Variants in WDSUB1 observed in about 807,000 individuals in gnomAD.
The protein encoded by WDSUB1 is WD repeat, SAM and U-box domain-containing protein 1.
In WDSUB1, 49 loss-of-function variants were observed where a neutral mutation model predicts 53.9. The ratio of observed to expected loss-of-function variants is 0.91; its 90% CI spans 0.72 to 1.15. The LOEUF is 1.15. WDSUB1 is among the 50% of genes most tolerant of loss of function. The pLI is 0.00. For missense variants in WDSUB1, 514 were observed against 562.0 expected (o/e 0.91, Z 0.86); for synonymous variants, 194 against 200.6 (o/e 0.97, Z 0.28).
intron 2 of WDSUB1, among the ~76,000 whole-genome samples, chr2:159,280,570 A>G (rs1053054863): frequency 6.7e-6 from 1 of 148,720 alleles, no homozygotes; most frequent in Non-Finnish European, 1.5e-5. Context: ...GGGCGCCTGT[A>G]GTCCCAGCTA....
Position 159,236,079 on chromosome 2 carries a change from G to GTCCT in WDSUB1, c.1381_1384dup (p.Thr462LysfsTer9). The GTCCT allele has an allele frequency of 1.2e-6, 2 of 1,612,686 alleles. No homozygotes were observed. Among genetic ancestry groups the GTCCT allele is most frequent in the Non-Finnish European group, 1.7e-6 (2 of 1,179,618 alleles). On this transcript the variant is annotated frameshift_variant, in exon 11 of 11. Transcript: ENST00000359774. LOFTEE classifies it high-confidence loss of function. ...CCATCTATTGATGGCCATTTTCAGAGTCCTATTTGGTGTAAGTACCGCTGA... is the reference window on the plus strand; with the variant it reads ...CCATCTATTGATGGCCATTTTCAGAGTCCTTCCTATTTGGTGTAAGTACCGCTGA...
At chr2:159,268,700 A>G (rs7590507) in intron 5 of WDSUB1, among the ~76,000 whole-genome samples, 4,337 of 152,304 alleles carry the variant, frequency 0.028, 193 homozygotes, top group African/African-American at 0.094. Flanking sequence ...AAAATATACA[A>G]AAGTATTCAA....
intron 4 of WDSUB1, among the ~76,000 whole-genome samples, chr2:159,274,538 A>C (rs1320541261): frequency 6.6e-6 from 1 of 152,142 alleles, no homozygotes; most frequent in Non-Finnish European, 1.5e-5. Flanking sequence ...TCTCTCCCCA[A>C]CTTCACCCTT....
intron 10 of WDSUB1, among the ~76,000 whole-genome samples, chr2:159,236,760 G>C (rs1448300092): frequency 6.6e-6 from 1 of 152,014 alleles, no homozygotes; most frequent in Non-Finnish European, 1.5e-5. Flanking sequence ...CAAGTAGCTG[G>C]GATCACAGGC....
intron 10 of WDSUB1, among the ~76,000 whole-genome samples, chr2:159,238,387 G>T (rs2060545655): frequency 6.6e-6 from 1 of 152,150 alleles, no homozygotes; most frequent in African/African-American, 2.4e-5. Flanking sequence ...GGGCTCAAGT[G>T]ACCCTCCTTA....
At chr2:159,280,414 G>A (rs992111879) in intron 2 of WDSUB1, among the ~76,000 whole-genome samples, 2 of 152,106 alleles carry the variant, frequency 1.3e-5, no homozygotes, top group African/African-American at 2.4e-5. Context: ...AGAAGTGGCC[G>A]GGCGCGGTGG....
At chr2:159,273,030 G>A (rs2061473409) in intron 4 of WDSUB1, among the ~76,000 whole-genome samples, 1 of 152,122 alleles carries the variant, frequency 6.6e-6, no homozygotes, top group East Asian at 1.9e-4. Flanking sequence ...TTTTTGAAGT[G>A]TTAAATGTCT....
rs776851863 is a variant in WDSUB1 at position 159,246,362 on chromosome 2, G to A, written c.1273+2010C>T. On this transcript the variant is annotated intron_variant, in intron 10 of 10. Transcript: ENST00000359774. ...CAGGAGAACGGTGTGAACCCGAGAG[G>A]CGGAGCTTGCAGTGAGCAGAGATCA... Among the ~76,000 whole-genome samples the A allele has an allele frequency of 7.3e-5, 11 of 151,424 alleles. No individual in the cohort carries two copies. The Middle Eastern group carries it at 0.01, about 141-fold the overall frequency.
At chr2:159,278,330 T>G (rs2061585330) in intron 3 of WDSUB1, among the ~76,000 whole-genome samples, 1 of 152,192 alleles carries the variant, frequency 6.6e-6, no homozygotes, top group South Asian at 2.1e-4. Context: ...AATCTATTAT[T>G]TCAGCAAATC....
chr2:159,270,022 T>C (rs772382470), intron 5 of WDSUB1, among the ~76,000 whole-genome samples: 2 of 152,176 alleles, frequency 1.3e-5, no homozygotes, highest in Non-Finnish European at 1.5e-5. Context: ...ACCAAAGATA[T>C]AAGGATTAGA....
intron 3 of WDSUB1, among the ~76,000 whole-genome samples, chr2:159,278,767 CAT>C (rs1280008800): frequency 6.6e-6 from 1 of 152,122 alleles, no homozygotes; most frequent in Non-Finnish European, 1.5e-5. Flanking sequence ...GGAAGCAGAA[CAT>C]GTTTTGCTTT....
chr2:159,242,570 G>A lies in WDSUB1; in HGVS notation c.1273+5802C>T, dbSNP rs1394732244. Among the ~76,000 whole-genome samples the A allele has an allele frequency of 6.1e-5, 9 of 147,602 alleles. 1 individual carries two copies. The highest frequency in any genetic ancestry group is 4.3e-4 in the East Asian group (2 of 4,672). On this transcript the variant is annotated intron_variant, in intron 10 of 10. Transcript: ENST00000359774. ...CCAGCTACTCTGAGGCAGGAGAATC[G>A]CTTGAACTGAGGAGGCAGAGGTTGC...
chr2:159,247,888 T>TAA (rs1553626803), intron 10 of WDSUB1, among the ~76,000 whole-genome samples: 18 of 39,056 alleles, frequency 4.6e-4, no homozygotes, highest in South Asian at 1.8e-3. Flanking sequence ...ATTAAATAAA[T>TAA]ATATATATAT....
intron 9 of WDSUB1, among the ~76,000 whole-genome samples, chr2:159,253,899 G>A (rs1487816963): frequency 6.6e-6 from 1 of 152,170 alleles, no homozygotes; most frequent in Non-Finnish European, 1.5e-5. Context: ...CCTTTATAAT[G>A]AAGGTTGCAA....
chr2:159,247,908 T>TATATATATATATATATAA (rs1306532213), intron 10 of WDSUB1, among the ~76,000 whole-genome samples: 1 of 48,102 alleles, frequency 2.1e-5, no homozygotes, highest in African/African-American at 3.8e-5. Flanking sequence ...TATATATATA[T>TATATATATATATATATAA]AAATATATAT....
intron 5 of WDSUB1, among the ~76,000 whole-genome samples, chr2:159,265,920 G>A (rs1302787670): frequency 2.6e-5 from 4 of 152,190 alleles, no homozygotes; most frequent in Non-Finnish European, 4.4e-5. Context: ...AGCTCTGAGG[G>A]CTGGTGGAAT....
rs1434273222 is a variant in WDSUB1, at chr2:159,253,701, A to T, written c.1132+2495T>A. Among the ~76,000 whole-genome samples the T allele has an allele frequency of 2.0e-5, 3 of 152,352 alleles. No homozygotes were observed. In the East Asian group the frequency reaches 5.8e-4, roughly 29 times the overall value. On this transcript the variant is annotated intron_variant, in intron 9 of 10. Coordinates refer to ENST00000359774, the MANE Select transcript of WDSUB1 (RefSeq NM_001128212.3). Reference sequence around the variant, plus strand: ...AACGCAGGTAAAATAGATATGCATTAAAAAAGCAAAATTCAATAGCATATA... The same window carrying T: ...AACGCAGGTAAAATAGATATGCATTTAAAAAGCAAAATTCAATAGCATATA...
chr2:159,284,460 G>A lies in WDSUB1; in HGVS notation c.-24-1367C>T, dbSNP rs112020346. The stretch of plus-strand genomic sequence containing the variant: ...GGATGGAGCCAAGGCTATCTGCTCC[G>A]CCTTTAAAATCAAACTGTAGGATTT... On this transcript the variant is annotated intron_variant, in intron 1 of 10. Transcript: ENST00000359774. Among the ~76,000 whole-genome samples, 671 of 152,182 alleles carry A rather than the reference G, an allele frequency of 4.4e-3. 2 individuals are homozygous for A. The highest frequency in any genetic ancestry group is 0.01 in the Middle Eastern group (3 of 294).
intron 9 of WDSUB1, among the ~76,000 whole-genome samples, chr2:159,255,529 A>G (rs896304742): frequency 1.2e-4 from 19 of 152,098 alleles, no homozygotes; most frequent in African/African-American, 4.3e-4. Flanking sequence ...GTACTCAAGT[A>G]TAGCCTGAGT....
Sources: gnomAD v4.1 joint callset for allele counts (sites outside exome capture counted in the v4.1 genomes callset) on GRCh38, gnomAD v4.1.1 for gene constraint, MANE v1.5 for transcripts, NCBI Gene and HGNC (gene_info 2026-07-23, HGNC 2026-07-21) for gene names.